The following MIPOL1 variants were observed in gnomAD, a reference collection of about 807,000 sequenced individuals.
MIPOL1 encodes the protein mirror-image polydactyly 1, also known as mirror-image polydactyly gene 1 protein.
A neutral mutation model predicts 60.9 loss-of-function variants in MIPOL1; 57 were observed. The ratio of observed to expected loss-of-function variants is 0.94; its 90% CI spans 0.76 to 1.17. The LOEUF is 1.17. MIPOL1 is among the 50% of genes most tolerant of loss of function. The pLI is 0.00. For missense variants in MIPOL1, 551 were observed against 511.6 expected (o/e 1.08, Z -0.74); for synonymous variants, 179 against 168.8 (o/e 1.06, Z -0.47).
intron 1 of MIPOL1, chr14:37,198,421 C>G (rs1964687462): frequency 6.6e-6 from 1 of 151,896 alleles, no homozygotes; most frequent in Admixed American, 6.6e-5. Context: ...CCTTAAGTCG[C>G]GGTTAGTCAG....
At chr14:37,466,284 A>G (rs1594515048) in intron 11 of MIPOL1, among the ~76,000 whole-genome samples, 1 of 152,180 alleles carries the variant, frequency 6.6e-6, no homozygotes, top group South Asian at 2.1e-4. Context: ...TGTTTAAGTG[A>G]CAAAGTACTT....
intron 12 of MIPOL1, among the ~76,000 whole-genome samples, chr14:37,533,385 G>T (rs74998040): frequency 2.0e-5 from 3 of 152,094 alleles, no homozygotes; most frequent in Non-Finnish European, 4.4e-5. Context: ...GTATAATTGA[G>T]CAGTTTTCAA....
At chr14:37,415,602 C>T (rs1566560738) in intron 10 of MIPOL1, among the ~76,000 whole-genome samples, 2 of 137,812 alleles carry the variant, frequency 1.5e-5, no homozygotes, top group Non-Finnish European at 3.0e-5. Context: ...GCACTCCAGC[C>T]TGGGCGACAG....
intron 12 of MIPOL1, among the ~76,000 whole-genome samples, chr14:37,515,294 A>AG (rs2095361014): frequency 7.1e-6 from 1 of 141,144 alleles, no homozygotes; most frequent in Admixed American, 8.1e-5. Flanking sequence ...AATATAATGA[A>AG]AAAAAAAAAA....
At position 37,230,443 on chromosome 14, in the gene MIPOL1, G is replaced by C. The variant is rs1970446111; in HGVS notation, c.-198-16660G>C. Among the ~76,000 whole-genome samples, 5 of 152,160 alleles carry C rather than the reference G, an allele frequency of 3.3e-5. No individual in the cohort carries two copies. The South Asian group carries it at 8.3e-4, about 25-fold the overall frequency. On this transcript the variant is annotated intron_variant, in intron 1 of 12. Coordinates refer to ENST00000684589, the MANE Select transcript of MIPOL1 (RefSeq NM_001388067.1). ...AGTTTTACAGTGATGCTTGCAGGGT[G>C]TTGCTCCATATCTCTATCTTGTGGA...
At chr14:37,426,032 G>A (rs778084438) in intron 11 of MIPOL1, among the ~76,000 whole-genome samples, 1 of 152,060 alleles carries the variant, frequency 6.6e-6, no homozygotes, top group Non-Finnish European at 1.5e-5. Flanking sequence ...GAGAGGAAAC[G>A]TAGGTTAAGG....
rs1022547927 is a variant in MIPOL1, at chr14:37,519,360, A to G, written c.1262+19222A>G. The stretch of plus-strand genomic sequence containing the variant: ...TCTGTGCTTATGTAAGTGATGGCAG[A>G]TAGACCTAAACCACTCAACCCTTTA... On this transcript the variant is annotated intron_variant, in intron 12 of 12. Coordinates refer to ENST00000684589, the MANE Select transcript of MIPOL1 (RefSeq NM_001388067.1). Among the ~76,000 whole-genome samples, 8 of 152,280 alleles carry G rather than the reference A, an allele frequency of 5.3e-5. No homozygotes were observed. The South Asian group carries it at 1.4e-3, about 28-fold the overall frequency.
Position 37,390,076 on chromosome 14 carries a change from A to T in MIPOL1, c.936+20452A>T, listed in dbSNP as rs1279090913. ...TATGTATATATACAAAAAATTAGCC[A>T]GGCATGGTGGTGGGCACCTGTAATC... On this transcript the variant is annotated intron_variant, in intron 10 of 12. Coordinates refer to ENST00000684589, the MANE Select transcript of MIPOL1 (RefSeq NM_001388067.1). Among the ~76,000 whole-genome samples the T allele has an allele frequency of 2.6e-5, 4 of 151,866 alleles. No homozygotes were observed. The East Asian group carries it at 7.8e-4, about 30-fold the overall frequency.
intron 11 of MIPOL1, among the ~76,000 whole-genome samples, chr14:37,493,755 G>A (rs1205776284): frequency 6.6e-6 from 1 of 152,038 alleles, no homozygotes; most frequent in African/African-American, 2.4e-5. Flanking sequence ...TAGCTTCCTG[G>A]TTAACAGAAA....
At chr14:37,263,116 A>G (rs2082626276) in intron 3 of MIPOL1, among the ~76,000 whole-genome samples, 1 of 152,326 alleles carries the variant, frequency 6.6e-6, no homozygotes, top group East Asian at 1.9e-4. Context: ...GGGAATCTCA[A>G]AGCTTTCTTT....
At chr14:37,274,166 G>T (rs919449830) in intron 6 of MIPOL1, among the ~76,000 whole-genome samples, 2 of 151,392 alleles carry the variant, frequency 1.3e-5, no homozygotes, top group Non-Finnish European at 3.0e-5. Context: ...CAAAATAAAA[G>T]AAATGAGATG....
chr14:37,389,155 T>C (rs553748957), intron 10 of MIPOL1, among the ~76,000 whole-genome samples: 13 of 152,032 alleles, frequency 8.6e-5, no homozygotes, highest in Non-Finnish European at 1.6e-4. Context: ...ATGTCATGAA[T>C]AGGGGAAGAA....
At chr14:37,369,653 A>G (rs1174631999) in intron 10 of MIPOL1, 29 bp downstream of exon 10, 1 of 1,570,488 alleles carries the variant, frequency 6.4e-7, no homozygotes, top group East Asian at 2.3e-5. Context: ...TTGCAGGCAA[A>G]TTAAGGTTGT....
chr14:37,524,570 C>A (rs3959771), intron 12 of MIPOL1, among the ~76,000 whole-genome samples: 1 of 121,822 alleles, frequency 8.2e-6, no homozygotes. Flanking sequence ...TTTTTCTTTT[C>A]TTTTTTTTTT....
At chr14:37,251,832 A>T (rs992211855) in intron 3 of MIPOL1, among the ~76,000 whole-genome samples, 1 of 151,980 alleles carries the variant, frequency 6.6e-6, no homozygotes, top group Non-Finnish European at 1.5e-5. Flanking sequence ...AATAGTTTAC[A>T]TATTTACAGG....
intron 5 of MIPOL1, among the ~76,000 whole-genome samples, 192 bp from the exon 6 acceptor site, chr14:37,270,228 C>T (rs887314373): frequency 2.0e-5 from 3 of 152,072 alleles, no homozygotes; most frequent in African/African-American, 7.2e-5. Context: ...GATGTTTTTA[C>T]AATTTCTGTA....
At chr14:37,371,694 A>G (rs2092643805) in intron 10 of MIPOL1, among the ~76,000 whole-genome samples, 3 of 152,142 alleles carry the variant, frequency 2.0e-5, no homozygotes, top group Non-Finnish European at 4.4e-5. Context: ...TATTAATTTT[A>G]TGCCATATTT....
chr14:37,394,838 C>G (rs2093340349), intron 10 of MIPOL1, among the ~76,000 whole-genome samples: 1 of 152,116 alleles, frequency 6.6e-6, no homozygotes, highest in African/African-American at 2.4e-5. Context: ...AAATCCTTGC[C>G]TAAGCCAGTA....
intron 9 of MIPOL1, among the ~76,000 whole-genome samples, chr14:37,310,893 C>T (rs896057288): frequency 2.6e-5 from 4 of 152,160 alleles, no homozygotes; most frequent in Non-Finnish European, 5.9e-5. Context: ...AGCTTTTTAA[C>T]TTAAAGACCT....
Sources: allele counts gnomAD v4.1 joint callset (sites outside exome capture counted in the v4.1 genomes callset), GRCh38; gene constraint gnomAD v4.1.1; transcripts MANE v1.5; gene names NCBI Gene and HGNC (gene_info 2026-07-23, HGNC 2026-07-21).